WIPF3: variants seen among roughly 807,000 people sequenced by gnomAD.
WIPF3 encodes the protein WAS/WASL interacting protein family member 3.
WIPF3 carries 33 observed loss-of-function variants against 38.9 expected under a neutral mutation model. That is an observed-to-expected ratio of 0.85 (90% CI 0.64 to 1.14). The LOEUF is 1.14. Among genes scored for constraint, WIPF3 ranks in the 50% most tolerant of loss-of-function variants. The pLI, the probability that WIPF3 is intolerant of heterozygous loss-of-function variation, is 0.00. For missense variants in WIPF3, 711 were observed against 652.5 expected (o/e 1.09, Z -0.98); for synonymous variants, 324 against 269.3 (o/e 1.20, Z -1.99).
intron 1 of WIPF3, among the ~76,000 whole-genome samples, chr7:29,809,912 G>A (rs1310441384): frequency 2.0e-5 from 3 of 152,300 alleles, no homozygotes; most frequent in South Asian, 2.1e-4. Flanking sequence ...AGCTAACACC[G>A]CATCTAGGAT....
intron 1 of WIPF3, among the ~76,000 whole-genome samples, chr7:29,824,006 A>G (rs138336093): frequency 6.5e-4 from 99 of 152,368 alleles, no homozygotes; most frequent in Non-Finnish European, 1.2e-3. Flanking sequence ...CAACGCGAGA[A>G]CAGACTAATA....
intron 8 of WIPF3, among the ~76,000 whole-genome samples, chr7:29,911,609 G>C (rs534335494): frequency 6.6e-6 from 1 of 152,060 alleles, no homozygotes; most frequent in African/African-American, 2.4e-5. Flanking sequence ...TAAATAAATA[G>C]AATAAAAAGA....
intron 2 of WIPF3, among the ~76,000 whole-genome samples, chr7:29,851,228 G>T (rs887785377): frequency 6.6e-6 from 1 of 152,204 alleles, no homozygotes; most frequent in Non-Finnish European, 1.5e-5. Context: ...GGAGGTGGGG[G>T]ACGGAGATTG....
At chr7:29,850,387 T>C (rs1176317796) in intron 2 of WIPF3, among the ~76,000 whole-genome samples, 1 of 152,124 alleles carries the variant, frequency 6.6e-6, no homozygotes, top group Non-Finnish European at 1.5e-5. Flanking sequence ...TTAGGAGCCT[T>C]GAATTAGGAG....
rs1785891799 is a variant in WIPF3 at position 29,886,779 on chromosome 7, A to G, written c.1100-1289A>G. On this transcript the variant is annotated intron_variant, in intron 5 of 8. Transcript: ENST00000242140. ...ATTAATACTGAATTTTTTTTATTTG[A>G]CAAATGGGCCTACTAATAACACCTT... 2.0e-5 allele frequency among the ~76,000 whole-genome samples: 3 copies of G among 152,136 alleles called. No homozygotes were observed. The South Asian group carries it at 6.2e-4, about 32-fold the overall frequency.
chr7:29,837,206 A>G (rs1325918744), intron 2 of WIPF3, among the ~76,000 whole-genome samples: 1 of 151,648 alleles, frequency 6.6e-6, no homozygotes, highest in Non-Finnish European at 1.5e-5. Context: ...ATACAAAAAA[A>G]TTAGCTGGGC....
intron 2 of WIPF3, among the ~76,000 whole-genome samples, chr7:29,836,610 G>T (rs1784806231): frequency 6.6e-6 from 1 of 152,204 alleles, no homozygotes; most frequent in Non-Finnish European, 1.5e-5. Flanking sequence ...CGAAAAAATA[G>T]ATCTTAAATG....
At chr7:29,877,235 G>A (rs1188800269) in intron 3 of WIPF3, among the ~76,000 whole-genome samples, 1 of 152,210 alleles carries the variant, frequency 6.6e-6, no homozygotes, top group East Asian at 1.9e-4. Context: ...AACCATTGTT[G>A]ATGAAGCAGA....
At chr7:29,892,938 G>T (rs150030055) in intron 7 of WIPF3, among the ~76,000 whole-genome samples, 2 of 152,112 alleles carry the variant, frequency 1.3e-5, no homozygotes, top group African/African-American at 4.8e-5. Context: ...GGTGGCGGAC[G>T]CCCGTAATCC....
At chr7:29,841,635 AC>A (rs1784914979) in intron 2 of WIPF3, among the ~76,000 whole-genome samples, 1 of 152,230 alleles carries the variant, frequency 6.6e-6, no homozygotes, top group South Asian at 2.1e-4. Context: ...ACATGGTGAA[AC>A]CCCATCTCTA....
chr7:29,836,270 TGAA>T (rs1046128923), intron 2 of WIPF3, among the ~76,000 whole-genome samples: 1 of 152,214 alleles, frequency 6.6e-6, no homozygotes, highest in Admixed American at 6.5e-5. Flanking sequence ...TTGCAAGCAC[TGAA>T]GAAGTACAAC....
At position 29,916,935 on chromosome 7, in the gene WIPF3, T is replaced by C. The variant is rs929668405; in HGVS notation, c.*2419T>C. 1 of 152,214 alleles carries C rather than the reference T, an allele frequency of 6.6e-6. No homozygotes were observed. Among genetic ancestry groups the C allele is most frequent in the Non-Finnish European group, 1.5e-5 (1 of 68,038 alleles). 9.4% of individuals were successfully genotyped at this position (152,214 alleles called of 1,614,324 possible). A position where few individuals can be genotyped will look rare whatever the true frequency, so the allele number is the denominator to read the frequency against. ...CATCTGAGTCACACAGTCCCCGCCA[T>C]TGTCACATATTCTCACTGACACTGC... On this transcript the variant is annotated 3_prime_UTR_variant, in exon 9 of 9. Coordinates refer to ENST00000242140, the MANE Select transcript of WIPF3 (RefSeq NM_001080529.3).
At chr7:29,854,985 G>A (rs531815502) in intron 2 of WIPF3, among the ~76,000 whole-genome samples, 21 of 152,226 alleles carry the variant, frequency 1.4e-4, no homozygotes, top group African/African-American at 4.8e-4. Flanking sequence ...AAGTGTCTGC[G>A]GTTTAAGCCA....
At chr7:29,910,943 A>C (rs566982537) in intron 8 of WIPF3, among the ~76,000 whole-genome samples, 15 of 152,276 alleles carry the variant, frequency 9.9e-5, no homozygotes, top group African/African-American at 3.6e-4. Flanking sequence ...AAAAGAAATA[A>C]AAGACATCCA....
intron 2 of WIPF3, among the ~76,000 whole-genome samples, chr7:29,858,755 G>GA (rs1785228174): frequency 6.6e-6 from 1 of 152,204 alleles, no homozygotes; most frequent in South Asian, 2.1e-4. Flanking sequence ...TTCAGGGAGA[G>GA]TTTGAGGTGG....
In WIPF3 at chr7:29,915,973, C is replaced by A. The variant is rs1481308948; in HGVS notation, c.*1457C>A. On this transcript the variant is annotated 3_prime_UTR_variant, in exon 9 of 9. Coordinates refer to ENST00000242140, the MANE Select transcript of WIPF3 (RefSeq NM_001080529.3). ...AGACCAAGCCATCCAGAAAGGCAGC[C>A]GGTCAGGAGGGTGTGGGCAAACATG... 6.6e-6 allele frequency: 1 copy of A among 152,286 alleles called. No homozygotes were observed. The highest frequency in any genetic ancestry group is 2.4e-5 in the African/African-American group (1 of 41,436). The allele number at this position is 152,286 out of a possible 1,614,324, so 9.4% of individuals were successfully genotyped here. A position where few individuals can be genotyped will look rare whatever the true frequency, so the allele number is the denominator to read the frequency against.
chr7:29,859,906 T>C (rs1356995403), intron 2 of WIPF3, among the ~76,000 whole-genome samples: 1 of 152,196 alleles, frequency 6.6e-6, no homozygotes, highest in Non-Finnish European at 1.5e-5. Context: ...GTGAGTTCAA[T>C]AAACAGAATT....
chr7:29,818,499 ATTAT>A (rs1273299861), intron 1 of WIPF3, among the ~76,000 whole-genome samples: 3 of 148,700 alleles, frequency 2.0e-5, no homozygotes, highest in African/African-American at 4.9e-5. Flanking sequence ...AAATAATTAA[ATTAT>A]TTGATTTAAT....
intron 1 of WIPF3, among the ~76,000 whole-genome samples, chr7:29,832,018 G>A (rs1784730804): frequency 6.6e-6 from 1 of 152,198 alleles, no homozygotes; most frequent in Non-Finnish European, 1.5e-5. Flanking sequence ...AAAACCCTTA[G>A]GTAAGTGGTA....
Sources: gnomAD v4.1 joint callset for allele counts (sites outside exome capture counted in the v4.1 genomes callset) on GRCh38, gnomAD v4.1.1 for gene constraint, MANE v1.5 for transcripts, NCBI Gene and HGNC (gene_info 2026-07-23, HGNC 2026-07-21) for gene names.